Variants in SH3PXD2A observed in about 807,000 individuals in gnomAD.
The protein encoded by SH3PXD2A is SH3 and PX domain-containing protein 2A.
Under a neutral mutation model 115.2 loss-of-function variants are expected in SH3PXD2A, and 32 were observed. That is an observed-to-expected ratio of 0.28 (90% CI 0.21 to 0.37). SH3PXD2A has a LOEUF of 0.37. SH3PXD2A is among the 10% of genes least tolerant of loss of function. The pLI is 1.00. For missense variants in SH3PXD2A, 1,328 were observed against 1,498.7 expected (o/e 0.89, Z 1.88); for synonymous variants, 610 against 629.1 (o/e 0.97, Z 0.45).
intron 13 of SH3PXD2A, among the ~76,000 whole-genome samples, chr10:103,606,991 G>C (rs370835198): frequency 6.7e-6 from 1 of 148,874 alleles, no homozygotes; most frequent in Non-Finnish European, 1.5e-5. Context: ...CTGCCTGGCT[G>C]CTCAGTCTGG....
intron 5 of SH3PXD2A, among the ~76,000 whole-genome samples, chr10:103,695,159 G>C (rs975728907): frequency 6.6e-6 from 1 of 152,166 alleles, no homozygotes; most frequent in African/African-American, 2.4e-5. Context: ...GCTGGTCCTG[G>C]CAGGAGAAGC....
At chr10:103,622,132 T>C (rs1564846518) in intron 10 of SH3PXD2A, among the ~76,000 whole-genome samples, 1 of 152,176 alleles carries the variant, frequency 6.6e-6, no homozygotes, top group African/African-American at 2.4e-5. Flanking sequence ...TTAGCTCCTT[T>C]AATCTGCAGC....
intron 4 of SH3PXD2A, among the ~76,000 whole-genome samples, chr10:103,728,905 T>G (rs552868903): frequency 6.6e-5 from 10 of 151,034 alleles, no homozygotes; most frequent in African/African-American, 2.4e-4. Context: ...TTGTTTTTTT[T>G]TTTTTGAGAC....
In SH3PXD2A at chr10:103,601,671, T is replaced by G; in HGVS notation, c.*145A>C. 2 of 531,522 alleles carry G rather than the reference T, an allele frequency of 3.8e-6. No homozygotes were observed. The highest frequency in any genetic ancestry group is 6.9e-6 in the Non-Finnish European group (2 of 291,350). 32.9% of individuals were successfully genotyped at this position (531,522 alleles called of 1,614,324 possible). On this transcript the variant is annotated 3_prime_UTR_variant, in exon 15 of 15. Transcript: ENST00000369774. ...GGGATGGCTTGGACAGGGGGCATCT[T>G]TGAGGTCACCCATTCTGCAGTGTTG...
At chr10:103,816,148 C>T (rs2039321728) in intron 1 of SH3PXD2A, among the ~76,000 whole-genome samples, 1 of 152,028 alleles carries the variant, frequency 6.6e-6, no homozygotes, top group African/African-American at 2.4e-5. Flanking sequence ...GATTTTAGTG[C>T]TCACACCACA....
intron 8 of SH3PXD2A, among the ~76,000 whole-genome samples, chr10:103,652,617 T>C (rs2037144762): frequency 6.6e-6 from 1 of 152,152 alleles, no homozygotes; most frequent in Admixed American, 6.5e-5. Flanking sequence ...AAAATTATAC[T>C]CCCCAGAAAG....
At chr10:103,827,683 T>C (rs2039444377) in intron 1 of SH3PXD2A, among the ~76,000 whole-genome samples, 1 of 152,208 alleles carries the variant, frequency 6.6e-6, no homozygotes, top group Admixed American at 6.5e-5. Context: ...CCAGTTCTGC[T>C]GGGCCTGGTG....
At position 103,602,009 on chromosome 10, in the gene SH3PXD2A, T is replaced by A. The variant is rs765653843; in HGVS notation, c.3209A>T (p.His1070Leu). Residue 1070 changes from histidine (H) to leucine (L), a missense_variant, in exon 15 of 15, where the codon CAC (histidine) becomes CTC (leucine). Around this residue, in one of 5 missense-constraint regions of SH3PXD2A, gnomAD observed 574 missense variants for 565.7 expected, o/e 1.01. Coordinates refer to ENST00000369774, the MANE Select transcript of SH3PXD2A (RefSeq NM_001394015.1). ...PKPIEKSQFI[H>L]NNLKDVYVSI... is the part of the protein sequence containing the mutation. ...GACGTACACATCTTTGAGGTTATTG[T>A]GGATGAACTGAGACTTCTCGATGGG... The A allele has an allele frequency of 6.2e-7, 1 of 1,613,758 alleles. No individual in the cohort carries two copies. Among genetic ancestry groups the A allele is most frequent in the African/African-American group, 1.3e-5 (1 of 75,036 alleles).
At chr10:103,736,768 A>C in intron 3 of SH3PXD2A, 1 of 1,289,300 alleles carries the variant, frequency 7.8e-7, no homozygotes, top group Non-Finnish European at 1.0e-6. Context: ...TTGGCACATG[A>C]TGAAGTGCTC....
At chr10:103,610,141 CAG>C (rs1358029704) in intron 13 of SH3PXD2A, 1 of 152,284 alleles carries the variant, frequency 6.6e-6, no homozygotes, top group African/African-American at 2.4e-5. Flanking sequence ...TGAGCTGAGG[CAG>C]AGTGAGTGAG....
At chr10:103,777,765 G>T (rs2038894350) in intron 2 of SH3PXD2A, among the ~76,000 whole-genome samples, 1 of 152,202 alleles carries the variant, frequency 6.6e-6, no homozygotes, top group South Asian at 2.1e-4. Context: ...CTAGGTTGGA[G>T]TCAACAGAGG....
intron 12 of SH3PXD2A, 93 bp downstream of exon 12, chr10:103,612,760 G>T: frequency 1.2e-6 from 1 of 809,162 alleles, no homozygotes; most frequent in Non-Finnish European, 1.9e-6. Context: ...AAACGCCATG[G>T]GGGTCCTGTG....
intron 5 of SH3PXD2A, among the ~76,000 whole-genome samples, chr10:103,721,357 C>T (rs894095690): frequency 4.6e-5 from 7 of 152,246 alleles, no homozygotes; most frequent in Admixed American, 3.3e-4. Context: ...GCCCCAGAGC[C>T]TGGCCCCACA....
In SH3PXD2A at chr10:103,829,279, C is replaced by T. The variant is rs568287603; in HGVS notation, c.72+25916G>A. Among the ~76,000 whole-genome samples, 10 of 152,258 alleles carry T rather than the reference C, an allele frequency of 6.6e-5. No individual in the cohort carries two copies. In the South Asian group the frequency reaches 2.1e-3, roughly 32 times the overall value. ...GCCATCTAGAATTCTGTGCTCCTAA[C>T]CCACTTCTGGGAGGCACGCAGGCAT... On this transcript the variant is annotated intron_variant, in intron 1 of 14. Transcript: ENST00000369774.
At chr10:103,719,277 G>A (rs888102145) in intron 5 of SH3PXD2A, among the ~76,000 whole-genome samples, 14 of 152,212 alleles carry the variant, frequency 9.2e-5, no homozygotes, top group African/African-American at 2.4e-4. Flanking sequence ...TTGGGAAGGC[G>A]TAGTGGGTGT....
chr10:103,855,179 C>T lies in SH3PXD2A; in HGVS notation c.72+16G>A. 1 of 1,518,124 alleles carries T rather than the reference C, an allele frequency of 6.6e-7. No individual in the cohort carries two copies. Among genetic ancestry groups the T allele is most frequent in the Non-Finnish European group, 8.9e-7 (1 of 1,128,752 alleles). The allele number at this position is 1,518,124 out of a possible 1,614,324, so 94.0% of individuals were successfully genotyped here. On this transcript the variant is annotated intron_variant, in intron 1 of 14. Coordinates refer to ENST00000369774, the MANE Select transcript of SH3PXD2A (RefSeq NM_001394015.1). ...CTCGGGCCACCCCCAGCAGGGTCGG[C>T]GGGGGCTGTACTCACGTAGTGCTTG...
intron 5 of SH3PXD2A, among the ~76,000 whole-genome samples, chr10:103,714,130 G>C (rs1056574952): frequency 6.6e-6 from 1 of 152,188 alleles, no homozygotes; most frequent in Admixed American, 6.5e-5. Context: ...GATAACCACA[G>C]GGGAACCAAG....
intron 2 of SH3PXD2A, among the ~76,000 whole-genome samples, chr10:103,796,949 C>T (rs985571989): frequency 6.6e-6 from 1 of 150,676 alleles, no homozygotes; most frequent in Non-Finnish European, 1.5e-5. Context: ...GCAGCCTGGA[C>T]CTCCCCGGCC....
chr10:103,599,638 G>C lies in SH3PXD2A; in HGVS notation c.*2178C>G, dbSNP rs1257272269. The C allele has an allele frequency of 6.6e-6, 1 of 152,516 alleles. No homozygotes were observed. The highest frequency in any genetic ancestry group is 1.5e-5 in the Non-Finnish European group (1 of 68,022). 9.4% of individuals were successfully genotyped at this position (152,516 alleles called of 1,614,324 possible). A position where few individuals can be genotyped will look rare whatever the true frequency, so the allele number is the denominator to read the frequency against. Reference sequence around the variant, plus strand: ...CTTTAAGTAATGCACTTTGCTCTCTGGGTTTTTTCCATTCTACCTTATTTA... The same window carrying C: ...CTTTAAGTAATGCACTTTGCTCTCTCGGTTTTTTCCATTCTACCTTATTTA... On this transcript the variant is annotated 3_prime_UTR_variant, in exon 15 of 15. Transcript: ENST00000369774.
Sources: allele counts gnomAD v4.1 joint callset (sites outside exome capture counted in the v4.1 genomes callset), GRCh38; gene constraint gnomAD v4.1.1; regional missense constraint gnomAD v4.1.1; transcripts MANE v1.5; gene names NCBI Gene and HGNC (gene_info 2026-07-23, HGNC 2026-07-21).